The following CCDC73 variants were observed in gnomAD, a reference collection of about 807,000 sequenced individuals.
CCDC73 encodes the protein coiled-coil domain containing 73.
CCDC73 carries 95 observed loss-of-function variants against 116.5 expected under a neutral mutation model. The observed-to-expected ratio is 0.82, with a 90% CI of 0.69 to 0.97. CCDC73 has a LOEUF of 0.97. CCDC73 is among the 50% of genes least tolerant of loss of function. CCDC73 has a pLI of 0.00. For missense variants in CCDC73, 1,066 were observed against 1,206.8 expected (o/e 0.88, Z 1.73); for synonymous variants, 398 against 401.3 (o/e 0.99, Z 0.10).
intron 3 of CCDC73, among the ~76,000 whole-genome samples, chr11:32,713,818 G>T (rs1294600350): frequency 6.6e-6 from 1 of 151,972 alleles, no homozygotes; most frequent in South Asian, 2.1e-4. Flanking sequence ...AATTGCTGAG[G>T]ATGTCTCTGG....
At chr11:32,680,405 A>G (rs1024354576) in intron 7 of CCDC73, 5 of 152,130 alleles carry the variant, frequency 3.3e-5, no homozygotes, top group Non-Finnish European at 4.4e-5. Flanking sequence ...TAGTTTTACT[A>G]TCAAATGCAA....
upstream of CCDC73, among the ~76,000 whole-genome samples, chr11:32,798,923 G>GA (rs1850749636): frequency 6.7e-6 from 1 of 149,736 alleles, no homozygotes; most frequent in African/African-American, 2.5e-5. Flanking sequence ...TTTGGGGGGG[G>GA]GCGTTGAGAC....
At chr11:32,640,972 G>A (rs1170633065) in intron 13 of CCDC73, among the ~76,000 whole-genome samples, 1 of 151,706 alleles carries the variant, frequency 6.6e-6, no homozygotes, top group East Asian at 1.9e-4. Context: ...GCAGAGATCC[G>A]TCCACGGCAC....
chr11:32,622,364 A>G (rs1489008687), intron 14 of CCDC73, among the ~76,000 whole-genome samples: 1 of 152,222 alleles, frequency 6.6e-6, no homozygotes, highest in African/African-American at 2.4e-5. Context: ...TTATAAGGAC[A>G]TAGATGAAAC....
intron 2 of CCDC73, among the ~76,000 whole-genome samples, chr11:32,722,828 T>C (rs1371374857): frequency 6.6e-6 from 1 of 152,192 alleles, no homozygotes; most frequent in Admixed American, 6.5e-5. Flanking sequence ...TATTGATTAA[T>C]TGAATCCTGG....
chr11:32,781,797 T>C (rs1161546550), intron 1 of CCDC73, among the ~76,000 whole-genome samples: 2 of 152,154 alleles, frequency 1.3e-5, no homozygotes, highest in Non-Finnish European at 2.9e-5. Flanking sequence ...GCCAGATAGC[T>C]CTTGAGGCAG....
chr11:32,614,676 C>A lies in CCDC73; in HGVS notation c.1642G>T (p.Glu548Ter), dbSNP rs201037500. The A allele has an allele frequency of 6.8e-5, 109 of 1,612,742 alleles. 1 individual carries two copies. The Admixed American group carries it at 1.8e-3, about 26-fold the overall frequency. The change falls in exon 16 of 18, where the codon GAA (glutamate) becomes TAA (stop). Residue 548 changes from glutamate to a stop codon, truncating the protein, a stop_gained. Transcript: ENST00000335185. LOFTEE classifies it high-confidence loss of function. ...CTGGTTCTTTCTAGATGTATTTTTT[C>A]TGTTTCTATTGCTGTATCTAACACT... ...FVVLDTAIETEKIHLERTRGL... is the reference protein window; with the variant it reads ...FVVLDTAIET
At chr11:32,797,860 A>G (rs942819374), upstream of CCDC73, among the ~76,000 whole-genome samples, 1 of 152,216 alleles carries the variant, frequency 6.6e-6, no homozygotes, top group African/African-American at 2.4e-5. Context: ...GAGTAATGAT[A>G]CAGTATGATC....
the CCDC73 span, among the ~76,000 whole-genome samples, chr11:32,821,673 G>T: frequency 6.6e-6 from 1 of 152,022 alleles, no homozygotes; most frequent in Non-Finnish European, 1.5e-5. Flanking sequence ...TAAGTCATAG[G>T]GTATGAATCA....
chr11:32,730,727 G>A (rs1405764113), intron 2 of CCDC73, among the ~76,000 whole-genome samples: 1 of 152,166 alleles, frequency 6.6e-6, no homozygotes, highest in Non-Finnish European at 1.5e-5. Flanking sequence ...CTAATGTCAT[G>A]TAGTTCTACA....
the CCDC73 span, among the ~76,000 whole-genome samples, chr11:32,805,635 C>T: frequency 6.6e-6 from 1 of 152,200 alleles, no homozygotes; most frequent in South Asian, 2.1e-4. Context: ...TCAGATTTAT[C>T]TACCATACAA....
At chr11:32,768,616 T>C (rs977484090) in intron 1 of CCDC73, among the ~76,000 whole-genome samples, 1 of 152,206 alleles carries the variant, frequency 6.6e-6, no homozygotes, top group Non-Finnish European at 1.5e-5. Flanking sequence ...TCTATTAATA[T>C]AATTTAAAAT....
At chr11:32,663,386 G>T (rs1304445165) in intron 9 of CCDC73, among the ~76,000 whole-genome samples, 1 of 152,174 alleles carries the variant, frequency 6.6e-6, no homozygotes, top group African/African-American at 2.4e-5. Flanking sequence ...ACTCCTTGAA[G>T]AGGTCCTTCA....
chr11:32,624,890 A>G (rs1264266655), intron 14 of CCDC73, among the ~76,000 whole-genome samples: 1 of 152,238 alleles, frequency 6.6e-6, no homozygotes, highest in Non-Finnish European at 1.5e-5. Flanking sequence ...AGGGACATGG[A>G]TGAAGGTGGA....
chr11:32,663,238 T>C (rs1478043306), intron 9 of CCDC73, among the ~76,000 whole-genome samples: 3 of 152,212 alleles, frequency 2.0e-5, no homozygotes, highest in Non-Finnish European at 4.4e-5. Context: ...GGTAGCTTGA[T>C]GGGGATGGCA....
chr11:32,639,135 G>A (rs1314053832), intron 13 of CCDC73, among the ~76,000 whole-genome samples: 5 of 150,062 alleles, frequency 3.3e-5, no homozygotes, highest in South Asian at 2.1e-4. Flanking sequence ...GCAACAGAGC[G>A]AGACTCCATC....
At chr11:32,738,321 C>A (rs1017847771) in intron 2 of CCDC73, among the ~76,000 whole-genome samples, 1 of 152,166 alleles carries the variant, frequency 6.6e-6, no homozygotes, top group Non-Finnish European at 1.5e-5. Context: ...TTTCCACCAA[C>A]AGTGTATGAG....
At chr11:32,776,774 T>G (rs1000361904) in intron 1 of CCDC73, among the ~76,000 whole-genome samples, 1 of 151,496 alleles carries the variant, frequency 6.6e-6, no homozygotes, top group Non-Finnish European at 1.5e-5. Context: ...TTACTCTTCT[T>G]TCATTCACTC....
intron 16 of CCDC73, among the ~76,000 whole-genome samples, chr11:32,612,792 T>G (rs1303591686): frequency 2.6e-5 from 4 of 152,088 alleles, no homozygotes; most frequent in African/African-American, 7.2e-5. Flanking sequence ...GACAGCCATG[T>G]ACTTCGATAC....
Sources: allele counts gnomAD v4.1 joint callset (sites outside exome capture counted in the v4.1 genomes callset), GRCh38; gene constraint gnomAD v4.1.1; transcripts MANE v1.5; gene names NCBI Gene and HGNC (gene_info 2026-07-23, HGNC 2026-07-21).